CNTNAP2: variants seen among roughly 807,000 people sequenced by gnomAD.
The protein encoded by CNTNAP2 is contactin associated protein 2.
A neutral mutation model predicts 155.2 loss-of-function variants in CNTNAP2; 98 were observed. The observed-to-expected ratio is 0.63, with a 90% CI of 0.54 to 0.75. The LOEUF (loss-of-function observed/expected upper bound fraction) is 0.75, where lower values mean the gene tolerates loss of function less well. CNTNAP2 is among the 30% of genes least tolerant of loss of function. The pLI, the probability that CNTNAP2 is intolerant of heterozygous loss-of-function variation, is 0.00. For synonymous variants in CNTNAP2, 651 were observed against 631.2 expected (o/e 1.03, Z -0.47); for missense variants, 1,727 against 1,688.1 (o/e 1.02, Z -0.40).
chr7:147,719,644 T>A (rs1796533244), intron 13 of CNTNAP2, among the ~76,000 whole-genome samples: 1 of 152,048 alleles, frequency 6.6e-6, no homozygotes, highest in South Asian at 2.1e-4. Flanking sequence ...TCTCACTAGG[T>A]AGGGGTATGA....
chr7:147,621,801 A>G (rs1794862161), intron 12 of CNTNAP2, among the ~76,000 whole-genome samples: 1 of 152,102 alleles, frequency 6.6e-6, no homozygotes, highest in Non-Finnish European at 1.5e-5. Context: ...ATTGAATGTA[A>G]ATGAACTAAA....
At chr7:147,270,863 C>T (rs1314768207) in intron 8 of CNTNAP2, among the ~76,000 whole-genome samples, 1 of 152,116 alleles carries the variant, frequency 6.6e-6, no homozygotes, top group Non-Finnish European at 1.5e-5. Context: ...ATTCATTTGC[C>T]ATTAGGACGA....
At chr7:148,167,696 T>A (rs1482333817) in intron 17 of CNTNAP2, among the ~76,000 whole-genome samples, 1 of 152,068 alleles carries the variant, frequency 6.6e-6, no homozygotes, top group East Asian at 1.9e-4. Context: ...TATCTGTGGA[T>A]GGGGAAACCG....
chr7:146,956,430 C>T (rs1584747590), intron 3 of CNTNAP2, among the ~76,000 whole-genome samples: 2 of 152,284 alleles, frequency 1.3e-5, no homozygotes, highest in African/African-American at 2.4e-5. Context: ...TGAGCATGTC[C>T]TGTAGGTCTA....
At chr7:146,327,144 A>G (rs1801111000) in intron 1 of CNTNAP2, among the ~76,000 whole-genome samples, 1 of 152,088 alleles carries the variant, frequency 6.6e-6, no homozygotes. Context: ...AAACTTAATT[A>G]TTCAAGGGTA....
At chr7:147,253,160 G>C (rs778772215) in intron 8 of CNTNAP2, among the ~76,000 whole-genome samples, 1 of 152,090 alleles carries the variant, frequency 6.6e-6, no homozygotes, top group African/African-American at 2.4e-5. Context: ...GCTACTGCCC[G>C]TTCTGATGCT....
chr7:146,497,874 C>T (rs988952384), intron 1 of CNTNAP2, among the ~76,000 whole-genome samples: 1 of 146,246 alleles, frequency 6.8e-6, no homozygotes, highest in South Asian at 2.1e-4. Flanking sequence ...TATATATAAA[C>T]ACATATATAC....
intron 1 of CNTNAP2, among the ~76,000 whole-genome samples, chr7:146,770,467 TTATAA>T (rs774161876): frequency 3.9e-5 from 6 of 152,034 alleles, no homozygotes; most frequent in Non-Finnish European, 7.4e-5. Context: ...ATTTTTTAGC[TTATAA>T]TATGATTATA....
intron 21 of CNTNAP2, among the ~76,000 whole-genome samples, chr7:148,371,495 C>G (rs1367709546): frequency 1.3e-5 from 2 of 152,118 alleles, no homozygotes; most frequent in Non-Finnish European, 2.9e-5. Context: ...ATGGCACATT[C>G]ATCAATGTGC....
At chr7:147,198,253 T>A (rs1447847974) in intron 8 of CNTNAP2, among the ~76,000 whole-genome samples, 1 of 146,440 alleles carries the variant, frequency 6.8e-6, no homozygotes, top group Non-Finnish European at 1.5e-5. Context: ...TTTTTTTTTT[T>A]GAGACGAAGT....
At position 147,595,003 on chromosome 7, in the gene CNTNAP2, G is replaced by A. The variant is rs559610208; in HGVS notation, c.1897+32746G>A. Among the ~76,000 whole-genome samples the A allele has an allele frequency of 1.1e-4, 17 of 152,182 alleles. No homozygotes were observed. The South Asian group carries it at 3.3e-3, about 30-fold the overall frequency. On this transcript the variant is annotated intron_variant, in intron 12 of 23. Coordinates refer to ENST00000361727, the MANE Select transcript of CNTNAP2 (RefSeq NM_014141.6). ...GAAATAAAATTGCTGTGAAAGGAGA[G>A]CAAAGGATAGCAGAGAGAGGAACAA...
At chr7:146,910,868 A>T (rs1467172118) in intron 3 of CNTNAP2, among the ~76,000 whole-genome samples, 1 of 150,702 alleles carries the variant, frequency 6.6e-6, no homozygotes, top group Admixed American at 6.6e-5. Context: ...GTGAACAGGC[A>T]ACCTACAAAA....
chr7:146,404,124 C>CA (rs1163559597), intron 1 of CNTNAP2, among the ~76,000 whole-genome samples: 1,197 of 72,584 alleles, frequency 0.016, 40 homozygotes, highest in South Asian at 0.03. Context: ...GACTCCGTCT[C>CA]AAAAAAAAAA....
At chr7:146,924,844 T>G (rs1796573269) in intron 3 of CNTNAP2, among the ~76,000 whole-genome samples, 1 of 152,176 alleles carries the variant, frequency 6.6e-6, no homozygotes, top group Admixed American at 6.5e-5. Context: ...GAAATTATTT[T>G]ATAAATCTTT....
At chr7:147,857,324 T>G (rs1331634662) in intron 13 of CNTNAP2, among the ~76,000 whole-genome samples, 1 of 152,218 alleles carries the variant, frequency 6.6e-6, no homozygotes, top group East Asian at 1.9e-4. Flanking sequence ...ACATTTGAAA[T>G]TCAGTCTTTT....
At chr7:146,705,937 C>G (rs560173307) in intron 1 of CNTNAP2, among the ~76,000 whole-genome samples, 2 of 152,136 alleles carry the variant, frequency 1.3e-5, no homozygotes, top group Non-Finnish European at 2.9e-5. Context: ...AGGATTTCCA[C>G]GTATGCATTT....
chr7:147,047,583 G>A (rs1799390611), intron 4 of CNTNAP2, among the ~76,000 whole-genome samples: 3 of 152,084 alleles, frequency 2.0e-5, no homozygotes, highest in East Asian at 3.9e-4. Flanking sequence ...TGCTAGACAC[G>A]TATTTATTTT....
intron 13 of CNTNAP2, among the ~76,000 whole-genome samples, chr7:147,805,091 G>A (rs866132662): frequency 3.4e-5 from 5 of 147,244 alleles, no homozygotes; most frequent in African/African-American, 1.3e-4. Context: ...TTTTTTTTGA[G>A]ACGGAGCCTG....
chr7:148,362,183 G>C (rs2116619516), intron 21 of CNTNAP2, among the ~76,000 whole-genome samples: 1 of 145,394 alleles, frequency 6.9e-6, no homozygotes, highest in Non-Finnish European at 1.5e-5. Context: ...CTGGGCAATA[G>C]AGGGAGACTC....
Sources: gnomAD v4.1 joint callset for allele counts (sites outside exome capture counted in the v4.1 genomes callset) on GRCh38, gnomAD v4.1.1 for gene constraint, MANE v1.5 for transcripts, NCBI Gene and HGNC (gene_info 2026-07-23, HGNC 2026-07-21) for gene names.